The following LAMA2 variants were observed in gnomAD, a reference collection of about 807,000 sequenced individuals.
LAMA2 encodes laminin subunit alpha 2.
A neutral mutation model predicts 364.8 loss-of-function variants in LAMA2; 269 were observed. That is an observed-to-expected ratio of 0.74 (90% CI 0.67 to 0.82). LAMA2 has a LOEUF of 0.82. Among genes scored for constraint, LAMA2 ranks in the 40% least tolerant of loss-of-function variants. The pLI, the probability that LAMA2 is intolerant of heterozygous loss-of-function variation, is 0.00. For missense variants in LAMA2, 3,807 were observed against 3,873.2 expected, an observed-to-expected ratio of 0.98 and a Z score of 0.45; for synonymous variants, 1,379 against 1,370.6, an observed-to-expected ratio of 1.01 and a Z score of -0.14.
At chr6:129,164,115 G>C (rs1779599127) in intron 8 of LAMA2, among the ~76,000 whole-genome samples, 1 of 151,948 alleles carries the variant, frequency 6.6e-6, no homozygotes, top group African/African-American at 2.4e-5. Flanking sequence ...TATGTTCCAG[G>C]AACCCCAGTT....
intron 1 of LAMA2, among the ~76,000 whole-genome samples, chr6:128,894,966 G>C (rs925150245): frequency 6.6e-5 from 10 of 152,224 alleles, no homozygotes; most frequent in African/African-American, 2.4e-4. Context: ...GGGATTCACA[G>C]ATCTTTCTTT....
At chr6:129,431,356 G>A (rs1037955497) in intron 41 of LAMA2, among the ~76,000 whole-genome samples, 7 of 149,566 alleles carry the variant, frequency 4.7e-5, no homozygotes, top group African/African-American at 1.7e-4. Flanking sequence ...CTGAGATTGC[G>A]CCACTGCACT....
chr6:129,155,006 C>T (rs1489075124), intron 8 of LAMA2, among the ~76,000 whole-genome samples: 13 of 152,166 alleles, frequency 8.5e-5, no homozygotes, highest in Admixed American at 8.5e-4. Flanking sequence ...ACAGTACATA[C>T]TAGTGAGTCT....
chr6:129,122,989 G>A (rs889329482), intron 4 of LAMA2, among the ~76,000 whole-genome samples: 1 of 152,100 alleles, frequency 6.6e-6, no homozygotes, highest in African/African-American at 2.4e-5. Context: ...AAGTAGGAAG[G>A]TTCCTCAAAA....
At chr6:129,093,717 G>A (rs1000212810) in intron 3 of LAMA2, among the ~76,000 whole-genome samples, 4 of 152,190 alleles carry the variant, frequency 2.6e-5, no homozygotes, top group Non-Finnish European at 4.4e-5. Context: ...TAGGTGACAT[G>A]CAAATGAGTA....
chr6:129,084,737 C>A (rs192520784), intron 3 of LAMA2, among the ~76,000 whole-genome samples: 165 of 152,258 alleles, frequency 1.1e-3, no homozygotes, highest in Non-Finnish European at 1.9e-3. Context: ...CAGGCATAAA[C>A]CCTGGGATAA....
At chr6:129,186,223 A>C (rs1386836201) in intron 10 of LAMA2, among the ~76,000 whole-genome samples, 1 of 151,690 alleles carries the variant, frequency 6.6e-6, no homozygotes, top group African/African-American at 2.4e-5. Context: ...GAAAAAAATT[A>C]ATTATATGTT....
chr6:129,393,808 A>C (rs1583646141), intron 37 of LAMA2, among the ~76,000 whole-genome samples: 2 of 152,362 alleles, frequency 1.3e-5, no homozygotes, highest in East Asian at 3.9e-4. Flanking sequence ...CATGACAAAT[A>C]GCTCAATGAA....
At chr6:128,995,589 G>T (rs185326116) in intron 1 of LAMA2, among the ~76,000 whole-genome samples, 46 of 152,298 alleles carry the variant, frequency 3.0e-4, no homozygotes, top group Non-Finnish European at 5.6e-4. Context: ...CTTCCAAAGT[G>T]CTGGGATTAC....
chr6:129,199,386 ATATCT>A (rs1023194480), intron 12 of LAMA2, among the ~76,000 whole-genome samples: 4 of 152,222 alleles, frequency 2.6e-5, no homozygotes, highest in African/African-American at 7.2e-5. Flanking sequence ...TCAATAGCAA[ATATCT>A]TATTTAATAT....
At chr6:129,209,075 C>T (rs1375228860) in intron 12 of LAMA2, among the ~76,000 whole-genome samples, 1 of 152,004 alleles carries the variant, frequency 6.6e-6, no homozygotes, top group African/African-American at 2.4e-5. Flanking sequence ...TTGAAGTTCC[C>T]CTAGGCCATT....
chr6:129,485,719 A>G (rs979850547), intron 55 of LAMA2, among the ~76,000 whole-genome samples: 4 of 152,210 alleles, frequency 2.6e-5, no homozygotes, highest in Admixed American at 2.6e-4. Flanking sequence ...GTAACTACAT[A>G]CATGATTTAG....
intron 20 of LAMA2, among the ~76,000 whole-genome samples, chr6:129,293,572 T>C (rs1446367225): frequency 6.6e-6 from 1 of 152,128 alleles, no homozygotes; most frequent in Non-Finnish European, 1.5e-5. Context: ...ACACTATAAA[T>C]GGACAAATAC....
At chr6:129,242,497 T>A (rs961891757) in intron 12 of LAMA2, among the ~76,000 whole-genome samples, 1 of 152,122 alleles carries the variant, frequency 6.6e-6, no homozygotes, top group African/African-American at 2.4e-5. Flanking sequence ...TTTTGTTTTC[T>A]TGGCAGAGAC....
chr6:129,103,648 A>G (rs1366928457), intron 4 of LAMA2, among the ~76,000 whole-genome samples: 1 of 152,170 alleles, frequency 6.6e-6, no homozygotes, highest in African/African-American at 2.4e-5. Flanking sequence ...ATGTTTTTTC[A>G]TGGTTAAACT....
At chr6:129,441,155 T>G (rs1385022578) in intron 43 of LAMA2, among the ~76,000 whole-genome samples, 157 bp downstream of exon 43, 2 of 152,192 alleles carry the variant, frequency 1.3e-5, no homozygotes, top group Admixed American at 1.3e-4. Context: ...TGTCATGCAG[T>G]TCCAAAGCTG....
intron 40 of LAMA2, among the ~76,000 whole-genome samples, chr6:129,411,145 A>T (rs1372547848): frequency 6.6e-6 from 1 of 152,228 alleles, no homozygotes; most frequent in Admixed American, 6.5e-5. Context: ...GCCCATGGCC[A>T]GTCAAGTTGA....
chr6:128,924,081 A>C (rs929057819), intron 1 of LAMA2, among the ~76,000 whole-genome samples: 3 of 152,182 alleles, frequency 2.0e-5, no homozygotes, highest in Non-Finnish European at 4.4e-5. Flanking sequence ...CTCTGCTTAC[A>C]TATAATGGCA....
At chr6:129,245,393 G>A (rs998200835) in intron 12 of LAMA2, among the ~76,000 whole-genome samples, 2 of 152,066 alleles carry the variant, frequency 1.3e-5, no homozygotes, top group Admixed American at 6.6e-5. Flanking sequence ...TTCCTAAATA[G>A]CAGGAGAAAA....
Sources: gnomAD v4.1 joint callset for allele counts (sites outside exome capture counted in the v4.1 genomes callset) on GRCh38, gnomAD v4.1.1 for gene constraint, MANE v1.5 for transcripts, NCBI Gene and HGNC (gene_info 2026-07-23, HGNC 2026-07-21) for gene names.